Variants in P4HB observed in about 807,000 individuals in gnomAD.
P4HB encodes prolyl 4-hydroxylase subunit beta.
P4HB carries 20 observed loss-of-function variants against 52.6 expected under a neutral mutation model. That is an observed-to-expected ratio of 0.38 (90% CI 0.27 to 0.55). The LOEUF (loss-of-function observed/expected upper bound fraction) is 0.55. Among genes scored for constraint, P4HB ranks in the 20% least tolerant of loss-of-function variants. The pLI is 0.74. For synonymous variants in P4HB, 296 were observed against 277.9 expected (o/e 1.07, Z -0.65); for missense variants, 601 against 669.2 (o/e 0.90, Z 1.12).
At chr17:81,857,970 C>T (rs576121990) in intron 2 of P4HB, among the ~76,000 whole-genome samples, 2 of 152,194 alleles carry the variant, frequency 1.3e-5, no homozygotes, top group African/African-American at 2.4e-5. Context: ...GAGCACTTCC[C>T]GTTCCAAAAG....
Position 81,846,362 on chromosome 17 carries a change from G to A in P4HB, c.1056+67C>T, listed in dbSNP as rs532739562. 4 of 1,420,866 alleles carry A rather than the reference G, an allele frequency of 2.8e-6. No individual in the cohort carries two copies. The highest frequency in any genetic ancestry group is 1.7e-5 in the Admixed American group (1 of 59,166). The allele number at this position is 1,420,866 out of a possible 1,614,324, so 88.0% of individuals were successfully genotyped here. A position where few individuals can be genotyped will look rare whatever the true frequency, so the allele number is the denominator to read the frequency against. On this transcript the variant is annotated intron_variant, in intron 7 of 10. Transcript: ENST00000331483. The surrounding 1 kb of genome is among the most constrained non-coding windows in gnomAD (Gnocchi z 5.7). ...TTGAGGACGAAGCCCAGGACACTGAGAGCCCAGAGACCCCAAGGTGGCGGC... is the reference window on the plus strand; with the variant it reads ...TTGAGGACGAAGCCCAGGACACTGAAAGCCCAGAGACCCCAAGGTGGCGGC...
intron 10 of P4HB, 109 bp downstream of exon 10, chr17:81,845,035 G>A (rs1040118306): frequency 1.3e-5 from 12 of 905,020 alleles, no homozygotes; most frequent in East Asian, 1.1e-4. Flanking sequence ...ACGCACAGAC[G>A]TGCCTCCAAT....
At chr17:81,858,257 CAAAAAAAAAAAAAAA>C (rs901002093) in intron 2 of P4HB, among the ~76,000 whole-genome samples, 2 of 38,780 alleles carry the variant, frequency 5.2e-5, no homozygotes, top group Non-Finnish European at 1.2e-4. Context: ...GAGACTGTCT[CAAAAAAAAAAAAAAA>C]AAAAAAAAAA....
chr17:81,858,902 T>G, intron 2 of P4HB: 1 of 439,236 alleles, frequency 2.3e-6, no homozygotes, highest in East Asian at 4.4e-5. Context: ...GGCACCAGTC[T>G]CCCTCTCCTC....
Position 81,843,742 on chromosome 17 carries a change from A to C in P4HB, c.*270T>G, listed in dbSNP as rs774057600. On this transcript the variant is annotated 3_prime_UTR_variant, in exon 11 of 11. Coordinates refer to ENST00000331483, the MANE Select transcript of P4HB (RefSeq NM_000918.4). ...GGTAGCAAGCACTCTGGACAGACTC[A>C]TGTATGAAAAAGTACATCATGGTTT... The C allele has an allele frequency of 3.4e-6, 2 of 583,640 alleles. No homozygotes were observed. Among genetic ancestry groups the C allele is most frequent in the African/African-American group, 3.7e-5 (2 of 53,628 alleles). The allele number at this position is 583,640 out of a possible 1,614,324, so 36.2% of individuals were successfully genotyped here.
chr17:81,854,562 C>T (rs1161019647), intron 4 of P4HB, among the ~76,000 whole-genome samples: 3 of 149,352 alleles, frequency 2.0e-5, no homozygotes, highest in South Asian at 4.2e-4. Context: ...AAAAGGCAAA[C>T]GGGGCCAGGC....
At chr17:81,845,813 C>A in intron 8 of P4HB, 58 bp downstream of exon 8, 7 of 1,613,762 alleles carry the variant, frequency 4.3e-6, no homozygotes, top group Non-Finnish European at 5.9e-6. Flanking sequence ...CAGGAGTCTG[C>A]CTACCTTGCG....
rs375214610 is a variant in P4HB at position 81,859,242 on chromosome 17, G to A, written c.291C>T (p.Arg97=). 8.2e-5 allele frequency: 132 copies of A among 1,613,882 alleles called. No homozygotes were observed. The highest frequency in any genetic ancestry group is 1.5e-4 in the South Asian group (14 of 91,080). ...TGAAGAACTTGATGGTGGGATAGCC[G>A]CGCACGCCGTACTGCTGGGCCAGGT... The part of the protein sequence containing the change: ...ESDLAQQYGV[R]GYPTIKFFRN... The change falls in exon 2 of 11, where the codon CGC becomes CGT. Residue 97 remains arginine, a synonymous_variant. Transcript: ENST00000331483.
chr17:81,856,545 C>T (rs1270230548), intron 2 of P4HB, among the ~76,000 whole-genome samples: 2 of 151,718 alleles, frequency 1.3e-5, no homozygotes, highest in Non-Finnish European at 2.9e-5. Context: ...CCATGTTGGC[C>T]AGGCTGGTCT....
At chr17:81,847,637 G>A in intron 4 of P4HB, 1 of 481,002 alleles carries the variant, frequency 2.1e-6, no homozygotes. Flanking sequence ...CCATCCCCAG[G>A]GCCCCTAGCC....
intron 1 of P4HB, chr17:81,859,809 A>T (rs1353562768): frequency 4.2e-6 from 1 of 240,134 alleles, no homozygotes; most frequent in East Asian, 1.1e-4. Context: ...GTGCACACAG[A>T]CCCTGAGTTG....
Position 81,855,676 on chromosome 17 carries a change from A to G in P4HB, c.353-90T>C, listed in dbSNP as rs2038903145. ...CTCCCGTCTCTGCTCTCTGCCAGCC[A>G]GGCTGAGGACACCTGAATCAACCTA... On this transcript the variant is annotated intron_variant, in intron 2 of 10. Transcript: ENST00000331483. This position sits in a 1 kb window ranked among gnomAD's most constrained non-coding sequence, Gnocchi z 4.3. 1 of 1,463,792 alleles carries G rather than the reference A, an allele frequency of 6.8e-7. No homozygotes were observed. Among genetic ancestry groups the G allele is most frequent in the Non-Finnish European group, 9.2e-7 (1 of 1,081,318 alleles). The allele number at this position is 1,463,792 out of a possible 1,614,324, so 90.7% of individuals were successfully genotyped here.
In P4HB at chr17:81,850,157, A is replaced by G. The variant is rs1300903433; in HGVS notation, c.625-2810T>C. ...CTATTTTATTTTTTTTTTGAGACGG[A>G]GTTTCACTCTTGTTGCCCAGGCTAG... On this transcript the variant is annotated intron_variant, in intron 4 of 10. Transcript: ENST00000331483. Among the ~76,000 whole-genome samples, 4 of 148,506 alleles carry G rather than the reference A, an allele frequency of 2.7e-5. No homozygotes were observed. The East Asian group carries it at 7.9e-4, about 29-fold the overall frequency.
At chr17:81,854,699 G>C (rs1315889952) in intron 4 of P4HB, among the ~76,000 whole-genome samples, 3 of 151,776 alleles carry the variant, frequency 2.0e-5, no homozygotes, top group Non-Finnish European at 2.9e-5. Flanking sequence ...AAGATTAGCT[G>C]GGCATGGTAG....
At position 81,843,974 on chromosome 17, in the gene P4HB, C is replaced by T. The variant is rs199734113; in HGVS notation, c.*38G>A. 23 of 1,484,756 alleles carry T rather than the reference C, an allele frequency of 1.5e-5. No homozygotes were observed. The highest frequency in any genetic ancestry group is 4.5e-5 in the South Asian group (4 of 88,536). 92.0% of individuals were successfully genotyped at this position (1,484,756 alleles called of 1,614,324 possible). ...GCGCTGCTGCTGGGTGTGCAGCCCC[C>T]GAGGGGTCTCGGCAGCGCCCGGGTC... is the stretch of plus-strand genomic sequence containing the variant. On this transcript the variant is annotated 3_prime_UTR_variant, in exon 11 of 11. Transcript: ENST00000331483.
At chr17:81,852,570 G>A (rs1357776760) in intron 4 of P4HB, among the ~76,000 whole-genome samples, 1 of 152,262 alleles carries the variant, frequency 6.6e-6, no homozygotes, top group Admixed American at 6.5e-5. Context: ...GACCACGTTC[G>A]CCATCACAGA....
chr17:81,850,628 C>T (rs1290040998), intron 4 of P4HB, among the ~76,000 whole-genome samples: 1 of 150,960 alleles, frequency 6.6e-6, no homozygotes, highest in Non-Finnish European at 1.5e-5. Context: ...GGATTATAGG[C>T]ATGTGCCAAC....
intron 2 of P4HB, among the ~76,000 whole-genome samples, chr17:81,856,556 C>T (rs910726742): frequency 2.1e-4 from 31 of 149,458 alleles, no homozygotes; most frequent in African/African-American, 5.9e-4. Context: ...AGGCTGGTCT[C>T]ACTCCTGACC....
intron 2 of P4HB, among the ~76,000 whole-genome samples, chr17:81,856,239 TCA>T (rs2038910169): frequency 6.6e-6 from 1 of 151,526 alleles, no homozygotes; most frequent in Non-Finnish European, 1.5e-5. Context: ...TGATCATGGC[TCA>T]CTGCAACCTC....
Sources: allele counts gnomAD v4.1 joint callset (sites outside exome capture counted in the v4.1 genomes callset), GRCh38; gene constraint gnomAD v4.1.1; non-coding constraint Gnocchi (gnomAD v3.1); transcripts MANE v1.5; gene names NCBI Gene and HGNC (gene_info 2026-07-23, HGNC 2026-07-21).